Variants in PRKG1 observed in about 807,000 individuals in gnomAD.
PRKG1 encodes the protein protein kinase cGMP-dependent 1.
Under a neutral mutation model 88.1 loss-of-function variants are expected in PRKG1, and 35 were observed. The observed-to-expected ratio is 0.40, with a 90% CI of 0.30 to 0.53. PRKG1 has a LOEUF of 0.53. PRKG1 is among the 20% of genes least tolerant of loss of function. PRKG1 has a pLI of 0.59. For missense variants in PRKG1, 540 were observed against 839.8 expected (o/e 0.64, Z 4.41); for synonymous variants, 303 against 292.5 (o/e 1.04, Z -0.37).
intron 3 of PRKG1, among the ~76,000 whole-genome samples, chr10:51,752,020 C>A (rs1432830163): frequency 6.6e-6 from 1 of 152,126 alleles, no homozygotes; most frequent in East Asian, 1.9e-4. Flanking sequence ...TTTTACTGAT[C>A]TTTAAACCTT....
chr10:51,630,091 G>T (rs1839485694), intron 3 of PRKG1, among the ~76,000 whole-genome samples: 2 of 152,282 alleles, frequency 1.3e-5, no homozygotes, highest in Admixed American at 1.3e-4. Flanking sequence ...AACGCATTCT[G>T]TGTCATTGAA....
intron 7 of PRKG1, among the ~76,000 whole-genome samples, chr10:52,127,832 A>G (rs1406337420): frequency 6.6e-6 from 1 of 152,134 alleles, no homozygotes; most frequent in African/African-American, 2.4e-5. Context: ...TGGAGGCATA[A>G]ATCATGGTGG....
At chr10:51,875,673 T>A (rs548502334) in intron 4 of PRKG1, among the ~76,000 whole-genome samples, 3 of 152,216 alleles carry the variant, frequency 2.0e-5, no homozygotes, top group Non-Finnish European at 4.4e-5. Flanking sequence ...AATATGTTTA[T>A]TTAAAAAATA....
At chr10:51,333,325 C>T (rs962921632) in intron 2 of PRKG1, among the ~76,000 whole-genome samples, 2 of 152,230 alleles carry the variant, frequency 1.3e-5, no homozygotes, top group East Asian at 3.8e-4. Flanking sequence ...TTAGTGCTTA[C>T]TATGTGCCAG....
chr10:51,007,952 T>C (rs1459803819), intron 1 of PRKG1, among the ~76,000 whole-genome samples: 1 of 152,228 alleles, frequency 6.6e-6, no homozygotes, highest in African/African-American at 2.4e-5. Flanking sequence ...TTGTTCCATG[T>C]GCTCTGTACA....
intron 3 of PRKG1, among the ~76,000 whole-genome samples, chr10:51,541,749 C>A (rs750861116): frequency 2.6e-5 from 4 of 151,698 alleles, no homozygotes; most frequent in Admixed American, 2.0e-4. Flanking sequence ...AAAAAACAAA[C>A]TATTTTTTTG....
chr10:51,272,534 A>C (rs980499541), intron 2 of PRKG1, among the ~76,000 whole-genome samples: 1 of 152,140 alleles, frequency 6.6e-6, no homozygotes, highest in Non-Finnish European at 1.5e-5. Flanking sequence ...TGGGTTAGCC[A>C]GAGGCTCTTC....
chr10:51,513,206 A>AC (rs1257170413), intron 3 of PRKG1, among the ~76,000 whole-genome samples: 1 of 148,136 alleles, frequency 6.8e-6, no homozygotes, highest in Admixed American at 6.8e-5. Flanking sequence ...CTAGTCTCTG[A>AC]TAAAACAGAC....
At chr10:51,499,004 A>T (rs554018252) in intron 3 of PRKG1, among the ~76,000 whole-genome samples, 1 of 152,164 alleles carries the variant, frequency 6.6e-6, no homozygotes, top group East Asian at 1.9e-4. Context: ...ACTAGTCATG[A>T]CTCTGTTCTG....
At chr10:52,138,448 T>C (rs1314913276) in intron 8 of PRKG1, among the ~76,000 whole-genome samples, 1 of 152,080 alleles carries the variant, frequency 6.6e-6, no homozygotes, top group African/African-American at 2.4e-5. Flanking sequence ...CAGAGGAACT[T>C]TTCTGTTTGT....
At chr10:51,128,215 A>AC (rs1845478713) in intron 1 of PRKG1, among the ~76,000 whole-genome samples, 1 of 125,308 alleles carries the variant, frequency 8.0e-6, no homozygotes, top group Non-Finnish European at 1.7e-5. Context: ...ACTTAAAAAA[A>AC]ATCCGGATAG....
intron 2 of PRKG1, among the ~76,000 whole-genome samples, chr10:51,267,551 T>C (rs1271161605): frequency 6.6e-6 from 1 of 152,152 alleles, no homozygotes; most frequent in African/African-American, 2.4e-5. Context: ...TACAGAAACA[T>C]AAAGTGGAAA....
At chr10:51,463,991 A>T (rs1489225370) in intron 2 of PRKG1, among the ~76,000 whole-genome samples, 1 of 152,148 alleles carries the variant, frequency 6.6e-6, no homozygotes. Context: ...TGCTTTTTGG[A>T]CGGGGTGCGA....
intron 3 of PRKG1, among the ~76,000 whole-genome samples, chr10:51,483,014 T>C (rs905481422): frequency 8.6e-6 from 1 of 115,764 alleles, no homozygotes; most frequent in African/African-American, 2.7e-5. Flanking sequence ...TCTTTCTTTT[T>C]TTTTTTTTTT....
chr10:52,271,310 T>C (rs1841724758), intron 10 of PRKG1, 40 bp from the exon 11 acceptor site: 1 of 1,598,576 alleles, frequency 6.3e-7, no homozygotes, highest in Non-Finnish European at 8.6e-7. Flanking sequence ...CTCTTACAAG[T>C]CTATGGGCTT....
At chr10:51,533,458 T>A (rs1412054950) in intron 3 of PRKG1, among the ~76,000 whole-genome samples, 1 of 152,184 alleles carries the variant, frequency 6.6e-6, no homozygotes, top group Non-Finnish European at 1.5e-5. Context: ...TTGTCTTCAG[T>A]GATGGCCTGA....
intron 7 of PRKG1, among the ~76,000 whole-genome samples, chr10:52,067,942 C>T (rs1589575503): frequency 6.9e-6 from 1 of 144,844 alleles, no homozygotes; most frequent in Non-Finnish European, 1.6e-5. Context: ...CAGTGGCTCA[C>T]GCCTGTAATC....
intron 3 of PRKG1, among the ~76,000 whole-genome samples, chr10:51,776,128 A>G (rs1838429232): frequency 6.6e-6 from 1 of 152,160 alleles, no homozygotes. Context: ...AATGCTGGGG[A>G]AAATGTTTAT....
intron 5 of PRKG1, among the ~76,000 whole-genome samples, chr10:51,912,768 C>A (rs1842247418): frequency 6.6e-6 from 1 of 151,774 alleles, no homozygotes; most frequent in South Asian, 2.1e-4. Flanking sequence ...CATGGCCCAC[C>A]CCAGCCCCCA....
Sources: gnomAD v4.1 joint callset for allele counts (sites outside exome capture counted in the v4.1 genomes callset) on GRCh38, gnomAD v4.1.1 for gene constraint, MANE v1.5 for transcripts, NCBI Gene and HGNC (gene_info 2026-07-23, HGNC 2026-07-21) for gene names.